RPL18: variants seen among roughly 807,000 people sequenced by gnomAD.
RPL18 encodes large ribosomal subunit protein eL18.
A neutral mutation model predicts 25.0 loss-of-function variants in RPL18; 4 were observed. The observed-to-expected ratio is 0.16, with a 90% CI of 0.08 to 0.37. The LOEUF (loss-of-function observed/expected upper bound fraction) is 0.37, where lower values mean the gene tolerates loss of function less well. RPL18 is among the 10% of genes least tolerant of loss of function. RPL18 has a pLI of 1.00. For synonymous variants in RPL18, 129 were observed against 101.6 expected (o/e 1.27, Z -1.62); for missense variants, 179 against 267.9 (o/e 0.67, Z 2.32).
intron 1 of RPL18, 76 bp from the exon 2 acceptor site, chr19:48,617,953 G>A (rs1974233723): frequency 1.7e-6 from 2 of 1,165,404 alleles, no homozygotes; most frequent in South Asian, 2.5e-5. Context: ...CTGAAACTGA[G>A]AGCTGGGACA....
At position 48,615,393 on chromosome 19, in the gene RPL18, G is replaced by A; in HGVS notation, c.546C>T (p.Ala182=). The A allele has an allele frequency of 6.2e-7, 1 of 1,612,712 alleles. No individual in the cohort carries two copies. The highest frequency in any genetic ancestry group is 1.3e-5 in the African/African-American group (1 of 75,040). Residue 182 remains alanine, a synonymous_variant, in exon 7 of 7, where the codon GCC becomes GCT. Transcript: ENST00000549920. ...RKFERARGRR[A]SRGYKN is the part of the protein sequence containing the mutation. Reference sequence around the variant, plus strand: ...AGGGTTAGTTTTTGTAGCCTCGGCTGGCCCGTCGGCCTCTGGCACGCTCGA... The same window carrying A: ...AGGGTTAGTTTTTGTAGCCTCGGCTAGCCCGTCGGCCTCTGGCACGCTCGA...
rs780597789 is a variant in RPL18, at chr19:48,616,163, T to C, written c.337A>G (p.Ile113Val). 3 of 1,613,918 alleles carry C rather than the reference T, an allele frequency of 1.9e-6. No individual in the cohort carries two copies. The highest frequency in any genetic ancestry group is 2.5e-6 in the Non-Finnish European group (3 of 1,180,002). ...LRVTSRARSR[I>V]LRAGGKILTF... ...AGGATCTTGCCCCCTGCCCTGAGGA[T>C]GCGGCTGCGGGCCCGGCTGGTCACG... The change falls in exon 5 of 7, where the codon ATC (isoleucine) becomes GTC (valine). Residue 113 changes from isoleucine (I) to valine (V), a missense_variant. Transcript: ENST00000549920.
At position 48,616,221 on chromosome 19, in the gene RPL18, CT is replaced by C. The variant is rs1974167334; in HGVS notation, c.298-20del. On this transcript the variant is annotated intron_variant, in intron 4 of 6. Coordinates refer to ENST00000549920, the MANE Select transcript of RPL18 (RefSeq NM_000979.4). ...CACATACCTGGTGGAGAGGACAAGGCTGGCGGGTCAGACCCCTGCGTGGTCA... is the reference window on the plus strand; with the variant it reads ...CACATACCTGGTGGAGAGGACAAGGCGGCGGGTCAGACCCCTGCGTGGTCA... 1.2e-6 allele frequency: 2 copies of C among 1,612,498 alleles called. No homozygotes were observed. The highest frequency in any genetic ancestry group is 1.3e-5 in the African/African-American group (1 of 75,042).
chr19:48,618,148 A>C (rs1002691834), intron 1 of RPL18: 11 of 311,104 alleles, frequency 3.5e-5, no homozygotes, highest in Non-Finnish European at 6.1e-5. Context: ...ATTCTTTACA[A>C]CTTGTATTTT....
chr19:48,616,390 G>T (rs1418561838), intron 4 of RPL18, 188 bp from the exon 5 acceptor site: 3 of 693,590 alleles, frequency 4.3e-6, no homozygotes, highest in Non-Finnish European at 7.2e-6. Context: ...CACATCCCTG[G>T]TGTTATGCTA....
At chr19:48,617,189 T>C in intron 3 of RPL18, 127 bp downstream of exon 3, 1 of 819,776 alleles carries the variant, frequency 1.2e-6, no homozygotes, top group Non-Finnish European at 2.2e-6. Flanking sequence ...AGCTCTACGC[T>C]CGCGACTGGC....
chr19:48,615,490 A>G, intron 6 of RPL18, 43 bp from the exon 7 acceptor site: 1 of 1,471,542 alleles, frequency 6.8e-7, no homozygotes, highest in Non-Finnish European at 9.5e-7. Flanking sequence ...CTCTTAAAGG[A>G]GGCCATTGTG....
chr19:48,618,548 T>G (rs955069799), intron 1 of RPL18: 1 of 157,788 alleles, frequency 6.3e-6, no homozygotes, highest in Non-Finnish European at 1.4e-5. Context: ...GCTCCACTTA[T>G]GCAGCACTTA....
chr19:48,615,477 G>A (rs752218919), intron 6 of RPL18, 30 bp from the exon 7 acceptor site: 30 of 1,569,814 alleles, frequency 1.9e-5, no homozygotes, highest in Non-Finnish European at 2.4e-5. Flanking sequence ...TGAGAGGGGG[G>A]CCCTCTTAAA....
chr19:48,616,306 A>G (rs1472882123), intron 4 of RPL18, 104 bp from the exon 5 acceptor site: 2 of 1,471,168 alleles, frequency 1.4e-6, no homozygotes, highest in African/African-American at 2.8e-5. Context: ...CCTGGTAACC[A>G]ACACTATCGT....
intron 4 of RPL18, 27 bp downstream of exon 4, chr19:48,616,699 G>T: frequency 7.2e-7 from 1 of 1,382,852 alleles, no homozygotes; most frequent in Non-Finnish European, 1.0e-6. Context: ...AGGGTCTGAT[G>T]GGTCTGCCCA....
chr19:48,615,752 C>T, intron 6 of RPL18, 125 bp downstream of exon 6: 5 of 848,426 alleles, frequency 5.9e-6, no homozygotes, highest in East Asian at 2.6e-5. Context: ...GATGAGGCAG[C>T]TGAGAGTTCC....
chr19:48,615,918 C>T lies in RPL18; in HGVS notation c.450G>A (p.Arg150=), dbSNP rs1439339085. The part of the protein sequence containing the change: ...SGPRKGREVY[R]HFGKAPGTPH... ...GGGTTCCTGGGGCCTTGCCGAAATG[C>T]CGGTACACCTCTCGGCCCTTGCGAG... Residue 150 remains arginine (R), a synonymous_variant, in exon 6 of 7, where the codon CGG becomes CGA. Coordinates refer to ENST00000549920, the MANE Select transcript of RPL18 (RefSeq NM_000979.4). The T allele has an allele frequency of 1.2e-6, 2 of 1,613,362 alleles. No homozygotes were observed. Among genetic ancestry groups the T allele is most frequent in the Admixed American group, 1.7e-5 (1 of 59,880 alleles).
chr19:48,618,047 A>AGGG, intron 1 of RPL18, 170 bp from the exon 2 acceptor site: 1 of 576,486 alleles, frequency 1.7e-6, no homozygotes, highest in Non-Finnish European at 3.1e-6. Context: ...CTCTGTAAAA[A>AGGG]GGGGCTGTTT....
In RPL18 at chr19:48,617,527, C is replaced by T. The variant is rs1188389772; in HGVS notation, c.91-104G>A. 4.8e-5 allele frequency: 44 copies of T among 913,606 alleles called. No individual in the cohort carries two copies. The South Asian group carries it at 5.2e-4, about 11-fold the overall frequency. The allele number at this position is 913,606 out of a possible 1,614,324, so 56.6% of individuals were successfully genotyped here. On this transcript the variant is annotated intron_variant, in intron 2 of 6. Transcript: ENST00000549920. ...TGATCTGGACTAAAATAATCTTTAT[C>T]CCTTTCCCCCAACCCACCGACCTAG...
In RPL18 at chr19:48,616,518, C is replaced by T. The variant is rs1357698636; in HGVS notation, c.297+208G>A. ...CCAGCACTAACAGTTTACAACTTGC[C>T]CCAGAAGAAGCTTGCCCAGGGGACC... On this transcript the variant is annotated intron_variant, in intron 4 of 6. Coordinates refer to ENST00000549920, the MANE Select transcript of RPL18 (RefSeq NM_000979.4). 1.3e-5 allele frequency: 9 copies of T among 703,552 alleles called. No homozygotes were observed. The Admixed American group carries it at 1.6e-4, about 13-fold the overall frequency. The allele number at this position is 703,552 out of a possible 1,614,324, so 43.6% of individuals were successfully genotyped here.
chr19:48,619,067 A>T, intron 1 of RPL18, 74 bp downstream of exon 1: 1 of 1,534,880 alleles, frequency 6.5e-7, no homozygotes, highest in Non-Finnish European at 8.9e-7. Flanking sequence ...GCCGCCCTCC[A>T]GCGTGCCCCT....
intron 1 of RPL18, 42 bp downstream of exon 1, chr19:48,619,099 G>T: frequency 6.3e-7 from 1 of 1,589,626 alleles, no homozygotes; most frequent in Non-Finnish European, 8.6e-7. Flanking sequence ...ACGGCGGATG[G>T]CAGCGGATTA....
intron 1 of RPL18, 119 bp downstream of exon 1, chr19:48,619,022 G>A (rs1974287517): frequency 2.8e-6 from 3 of 1,077,820 alleles, no homozygotes; most frequent in African/African-American, 1.6e-5. Flanking sequence ...CCCCAGTATC[G>A]GGAATTGCTC....
Sources: allele counts gnomAD v4.1 joint callset, GRCh38; gene constraint gnomAD v4.1.1; transcripts MANE v1.5; gene names NCBI Gene and HGNC (gene_info 2026-07-23, HGNC 2026-07-21).